Variants in CYFIP2 observed in about 807,000 individuals in gnomAD.
CYFIP2 encodes cytoplasmic FMR1-interacting protein 2.
Under a neutral mutation model 158.7 loss-of-function variants are expected in CYFIP2, and 29 were observed. That is an observed-to-expected ratio of 0.18 (90% CI 0.14 to 0.25). CYFIP2 has a LOEUF of 0.25. Ranked by LOEUF, CYFIP2 falls within the 10% of genes least tolerant of loss-of-function variation. The probability of loss-of-function intolerance (pLI) is 1.00; values close to 1 mark genes in which losing one functional copy is unlikely to be tolerated. For synonymous variants in CYFIP2, 585 were observed against 617.6 expected (o/e 0.95, Z 0.78); for missense variants, 852 against 1,639.5 (o/e 0.52, Z 8.29).
At chr5:157,364,966 T>C (rs533110209) in intron 26 of CYFIP2, 5 of 151,932 alleles carry the variant, frequency 3.3e-5, no homozygotes, top group African/African-American at 1.2e-4. Context: ...CATACCAAGA[T>C]AAAAAATAGT....
At chr5:157,326,054 G>A in intron 17 of CYFIP2, 117 bp from the exon 18 acceptor site, 2 of 789,060 alleles carry the variant, frequency 2.5e-6, no homozygotes, top group Non-Finnish European at 4.3e-6. Context: ...GTAAGAGAGG[G>A]ATGAAAGATG....
chr5:157,355,828 G>T (rs1189402668), intron 23 of CYFIP2, among the ~76,000 whole-genome samples: 2 of 152,204 alleles, frequency 1.3e-5, no homozygotes, highest in Non-Finnish European at 2.9e-5. Context: ...TGAGAAGGCT[G>T]TCAGGGCAGT....
At chr5:157,340,585 T>A (rs980944146) in intron 22 of CYFIP2, among the ~76,000 whole-genome samples, 8 of 152,244 alleles carry the variant, frequency 5.3e-5, no homozygotes. Flanking sequence ...GATAAAGTTT[T>A]ATTGGAACTC....
Position 157,266,635 on chromosome 5 carries a change from C to T in CYFIP2, c.-24+440C>T, listed in dbSNP as rs1221146073. 6.6e-6 allele frequency: 1 copy of T among 152,464 alleles called. No individual in the cohort carries two copies. The highest frequency in any genetic ancestry group is 1.9e-4 in the East Asian group (1 of 5,168). 9.4% of individuals were successfully genotyped at this position (152,464 alleles called of 1,614,324 possible). On this transcript the variant is annotated intron_variant, in intron 1 of 30. Transcript: ENST00000620254. This position sits in a 1 kb window ranked among gnomAD's most constrained non-coding sequence, Gnocchi z 4.2. ...TCTGCCGCCGTGACCACCGTCACCT[C>T]CCCCAGGGCCAGCGAGAGCCGCCTG...
intron 8 of CYFIP2, 29 bp downstream of exon 8, chr5:157,304,395 G>C: frequency 1.3e-6 from 2 of 1,593,964 alleles, no homozygotes; most frequent in East Asian, 2.2e-5. Context: ...CGCACCCATG[G>C]AGCCTGGGCT....
chr5:157,325,554 G>A lies in CYFIP2; in HGVS notation c.1898G>A (p.Arg633Gln), dbSNP rs779064849. 3 of 1,613,202 alleles carry A rather than the reference G, an allele frequency of 1.9e-6. No individual in the cohort carries two copies. The highest frequency in any genetic ancestry group is 1.7e-6 in the Non-Finnish European group (2 of 1,179,550). The stretch of plus-strand genomic sequence containing the variant: ...TTCTTCCTGGAGTTAACCATGGGCC[G>A]ACGAATCCAGTTCCCCATCGAGATG... ...REFFLELTMG[R>Q]RIQFPIEMSM... is the part of the protein sequence containing the mutation. The change falls in exon 17 of 31, where the codon CGA (arginine) becomes CAA (glutamine). Residue 633 changes from arginine to glutamine, a missense_variant. By Grantham distance (43) the Arg-to-Gln change is conservative. Transcript: ENST00000620254.
chr5:157,273,370 A>G (rs545670329), intron 1 of CYFIP2, among the ~76,000 whole-genome samples: 66 of 152,068 alleles, frequency 4.3e-4, no homozygotes, highest in Non-Finnish European at 8.2e-4. Flanking sequence ...AAACCTCAGA[A>G]CCTATCACCC....
chr5:157,341,123 C>T lies in CYFIP2; in HGVS notation c.2639C>T (p.Ala880Val). The T allele has an allele frequency of 3.1e-6, 5 of 1,613,992 alleles. No individual in the cohort carries two copies. Among genetic ancestry groups the T allele is most frequent in the Non-Finnish European group, 4.2e-6 (5 of 1,179,874 alleles). The change falls in exon 23 of 31, where the codon GCC becomes GTC. Residue 880 changes from alanine to valine, a missense_variant. Ala to Val is a moderately conservative substitution (Grantham distance 64). Transcript: ENST00000620254. ...FTQEPQRDKPANVQPYYLYGS... is the reference protein window; with the variant it reads ...FTQEPQRDKPVNVQPYYLYGS... ...CAAGAACCACAACGAGACAAACCTG[C>T]CAACGTCCAGCCTTATTACCTCTAT...
intron 26 of CYFIP2, chr5:157,376,481 C>T (rs1489445306): frequency 6.5e-6 from 1 of 153,756 alleles, no homozygotes; most frequent in African/African-American, 2.4e-5. Flanking sequence ...GATCACAGAG[C>T]AAGCACTCAA....
At chr5:157,348,296 G>C (rs143224109) in intron 23 of CYFIP2, among the ~76,000 whole-genome samples, 3 of 152,342 alleles carry the variant, frequency 2.0e-5, no homozygotes, top group Non-Finnish European at 4.4e-5. Context: ...TCCCAGGCTG[G>C]AGTGCAGTGG....
intron 1 of CYFIP2, among the ~76,000 whole-genome samples, 160 bp from the exon 2 acceptor site, chr5:157,285,179 A>G (rs1356872275): frequency 6.6e-6 from 1 of 152,204 alleles, no homozygotes; most frequent in African/African-American, 2.4e-5. Flanking sequence ...GATGTAAAAG[A>G]TACACATCGA....
chr5:157,389,902 GC>G (rs1340299748), intron 29 of CYFIP2, among the ~76,000 whole-genome samples: 1 of 152,206 alleles, frequency 6.6e-6, no homozygotes, highest in African/African-American at 2.4e-5. Context: ...GGGGACACCT[GC>G]CCGGGTTGGG....
At chr5:157,368,234 T>C (rs1764612841) in intron 26 of CYFIP2, among the ~76,000 whole-genome samples, 1 of 152,238 alleles carries the variant, frequency 6.6e-6, no homozygotes, top group Admixed American at 6.5e-5. Context: ...CTTTTTAGAC[T>C]TTAAATTATT....
chr5:157,320,587 AAC>A lies in CYFIP2; in HGVS notation c.1524-64_1524-63del, dbSNP rs552617321. 482 of 1,600,538 alleles carry A rather than the reference AAC, an allele frequency of 3.0e-4. 1 individual carries two copies. The highest frequency in any genetic ancestry group is 1.7e-3 in the African/African-American group (124 of 74,376). ...TTCCTGGGACACCACGGGCCCTAGA[AAC>A]ACAAGCTTGTAGTGACGTTTTCCCA... On this transcript the variant is annotated intron_variant, in intron 14 of 30. Coordinates refer to ENST00000620254, the MANE Select transcript of CYFIP2 (RefSeq NM_001037333.3).
chr5:157,378,039 C>T (rs1298219844), intron 26 of CYFIP2, among the ~76,000 whole-genome samples: 1 of 152,094 alleles, frequency 6.6e-6, no homozygotes, highest in African/African-American at 2.4e-5. Flanking sequence ...GCTTGGAAGA[C>T]TCCTAGAAGG....
At chr5:157,289,629 A>G (rs1757666545) in intron 3 of CYFIP2, among the ~76,000 whole-genome samples, 1 of 151,966 alleles carries the variant, frequency 6.6e-6, no homozygotes, top group African/African-American at 2.4e-5. Context: ...TCCTCTTTTT[A>G]TAAGGACACC....
intron 5 of CYFIP2, among the ~76,000 whole-genome samples, chr5:157,297,074 T>C (rs1758308900): frequency 6.6e-6 from 1 of 152,072 alleles, no homozygotes; most frequent in Non-Finnish European, 1.5e-5. Flanking sequence ...AAATTCTGGG[T>C]TATAGAGTGC....
At chr5:157,318,430 C>T (rs11950541) in intron 13 of CYFIP2, among the ~76,000 whole-genome samples, 31,270 of 152,066 alleles carry the variant, frequency 0.21, 3,450 homozygotes, top group Middle Eastern at 0.26. Context: ...AGCCAGGGGC[C>T]CAGATTCTGT....
At chr5:157,353,507 C>G (rs1416295072) in intron 23 of CYFIP2, among the ~76,000 whole-genome samples, 3 of 152,156 alleles carry the variant, frequency 2.0e-5, no homozygotes, top group South Asian at 2.1e-4. Flanking sequence ...CTATGGCCCC[C>G]CAAATGTCAA....
Sources: allele counts gnomAD v4.1 joint callset (sites outside exome capture counted in the v4.1 genomes callset), GRCh38; gene constraint gnomAD v4.1.1; non-coding constraint Gnocchi (gnomAD v3.1); transcripts MANE v1.5; gene names NCBI Gene and HGNC (gene_info 2026-07-23, HGNC 2026-07-21).